Variants in FOCAD observed in about 807,000 individuals in gnomAD.
FOCAD encodes the protein KIAA1797.
In FOCAD, 198 loss-of-function variants were observed where a neutral mutation model predicts 225.6. The observed-to-expected ratio is 0.88, with a 90% CI of 0.78 to 0.99. The LOEUF (loss-of-function observed/expected upper bound fraction) is 0.99. Among genes scored for constraint, FOCAD ranks in the 50% least tolerant of loss-of-function variants. The pLI is 0.00. For synonymous variants in FOCAD, 897 were observed against 755.0 expected (o/e 1.19, Z -3.08); for missense variants, 2,713 against 2,123.6 (o/e 1.28, Z -5.46).
At chr9:20,926,229 A>G in intron 25 of FOCAD, 72 bp from the exon 26 acceptor site, 1 of 930,020 alleles carries the variant, frequency 1.1e-6, no homozygotes, top group Admixed American at 1.9e-5. Context: ...GAAGGGAGTT[A>G]CACCTTAGAT....
chr9:20,927,152 A>G (rs1218858633), intron 26 of FOCAD, among the ~76,000 whole-genome samples: 2 of 152,078 alleles, frequency 1.3e-5, no homozygotes, highest in Non-Finnish European at 1.5e-5. Flanking sequence ...CAGGGTCAAG[A>G]GCTACAGTTG....
chr9:20,854,372 A>G (rs531836848), intron 15 of FOCAD, among the ~76,000 whole-genome samples: 2 of 151,898 alleles, frequency 1.3e-5, no homozygotes, highest in African/African-American at 4.8e-5. Flanking sequence ...AGTTGTCTCC[A>G]TATGGGCTTT....
At chr9:20,813,958 C>T (rs1308326305) in intron 11 of FOCAD, among the ~76,000 whole-genome samples, 1 of 152,064 alleles carries the variant, frequency 6.6e-6, no homozygotes, top group Non-Finnish European at 1.5e-5. Flanking sequence ...TGAATTGACC[C>T]ATTTATCATT....
intron 14 of FOCAD, 51 bp from the exon 15 acceptor site, chr9:20,822,938 G>C (rs778883627): frequency 1.5e-5 from 23 of 1,516,952 alleles, no homozygotes; most frequent in Non-Finnish European, 1.9e-5. Context: ...ATCTGGGAGT[G>C]ATAACTGCAC....
intron 10 of FOCAD, among the ~76,000 whole-genome samples, chr9:20,782,247 T>A (rs185645681): frequency 6.6e-6 from 1 of 152,242 alleles, no homozygotes; most frequent in African/African-American, 2.4e-5. Flanking sequence ...GGAATCATTT[T>A]TTAAAATTAT....
At chr9:20,909,103 G>T (rs906456791) in intron 22 of FOCAD, among the ~76,000 whole-genome samples, 3 of 151,946 alleles carry the variant, frequency 2.0e-5, no homozygotes, top group African/African-American at 7.3e-5. Context: ...ATTGAATAGG[G>T]TTATAGTATA....
intron 2 of FOCAD, among the ~76,000 whole-genome samples, chr9:20,660,485 A>G (rs1386875112): frequency 6.6e-6 from 1 of 152,204 alleles, no homozygotes; most frequent in African/African-American, 2.4e-5. Flanking sequence ...AATTATGGAA[A>G]AATATTCAGA....
chr9:20,762,424 T>C (rs1412359912), intron 6 of FOCAD, among the ~76,000 whole-genome samples: 1 of 152,252 alleles, frequency 6.6e-6, no homozygotes, highest in East Asian at 1.9e-4. Context: ...CTGTGAGCTC[T>C]ATGAGAGCAG....
intron 4 of FOCAD, among the ~76,000 whole-genome samples, chr9:20,736,596 G>A (rs2383149): frequency 0.64 from 97,373 of 151,826 alleles, 31,613 homozygotes; most frequent in Non-Finnish European, 0.69. Context: ...AGGCCTCAGC[G>A]TTCATTAACT....
rs141767624 is a variant in FOCAD, at chr9:20,809,310, C to G, written c.1456-10486C>G. On this transcript the variant is annotated intron_variant, in intron 11 of 43. Transcript: ENST00000338382. Reference sequence around the variant, plus strand: ...TCATGTGAATGATCTATAATTTGTGCAGTTTTATGTGGTAACCACTAGTCA... The same window carrying G: ...TCATGTGAATGATCTATAATTTGTGGAGTTTTATGTGGTAACCACTAGTCA... 1.2e-4 allele frequency among the ~76,000 whole-genome samples: 19 copies of G among 152,264 alleles called. No individual in the cohort carries two copies. The East Asian group carries it at 3.7e-3, about 29-fold the overall frequency.
intron 25 of FOCAD, among the ~76,000 whole-genome samples, chr9:20,925,349 A>G (rs1265519147): frequency 3.3e-5 from 5 of 152,118 alleles, no homozygotes; most frequent in African/African-American, 4.8e-5. Context: ...ATTTTCCCCA[A>G]TAATAAAGGG....
At chr9:20,870,687 CTA>C (rs1481580738) in intron 18 of FOCAD, among the ~76,000 whole-genome samples, 1 of 152,166 alleles carries the variant, frequency 6.6e-6, no homozygotes, top group Admixed American at 6.5e-5. Flanking sequence ...AACTGATATT[CTA>C]TAGTGTTCTG....
chr9:20,718,931 A>G (rs935157060), intron 3 of FOCAD, among the ~76,000 whole-genome samples: 2 of 152,212 alleles, frequency 1.3e-5, no homozygotes, highest in African/African-American at 4.8e-5. Flanking sequence ...GCTGAACACA[A>G]TGTCCTTATG....
chr9:20,707,475 A>G (rs930742560), intron 1 of FOCAD, among the ~76,000 whole-genome samples: 10 of 152,006 alleles, frequency 6.6e-5, no homozygotes, highest in African/African-American at 9.7e-5. Context: ...GTAACTTTTT[A>G]CTCCCCAAGA....
intron 26 of FOCAD, among the ~76,000 whole-genome samples, chr9:20,928,490 C>T (rs1167257690): frequency 6.6e-6 from 1 of 152,116 alleles, no homozygotes; most frequent in South Asian, 2.1e-4. Context: ...GTGTCTGAAA[C>T]TTTAAATTGG....
At chr9:20,754,158 A>G (rs543306598) in intron 5 of FOCAD, among the ~76,000 whole-genome samples, 2 of 152,282 alleles carry the variant, frequency 1.3e-5, no homozygotes, top group Non-Finnish European at 2.9e-5. Flanking sequence ...TGGAAAGGCT[A>G]ACAAGCAGTG....
chr9:20,774,934 G>A (rs916086256), intron 8 of FOCAD, among the ~76,000 whole-genome samples: 1 of 152,082 alleles, frequency 6.6e-6, no homozygotes, highest in Non-Finnish European at 1.5e-5. Context: ...GGTTAAAAAA[G>A]TAAGCCTAGG....
rs1587140886 is a variant in FOCAD at position 20,782,070 on chromosome 9, A to G, written c.1197+141A>G. On this transcript the variant is annotated intron_variant, in intron 10 of 43. Transcript: ENST00000338382. The stretch of plus-strand genomic sequence containing the variant: ...TCAGGTAGTGCTGTTGGAGATCTCA[A>G]CATATTCTTCTGGACTATAAGAAGG... The G allele has an allele frequency of 5.7e-6, 4 of 695,700 alleles. No homozygotes were observed. The East Asian group carries it at 1.1e-4, about 19-fold the overall frequency. The allele number at this position is 695,700 out of a possible 1,614,324, so 43.1% of individuals were successfully genotyped here.
chr9:20,683,049 GC>G (rs761901027), upstream of FOCAD, among the ~76,000 whole-genome samples: 3 of 152,042 alleles, frequency 2.0e-5, no homozygotes, highest in South Asian at 2.1e-4. Flanking sequence ...ACAGGTGTGA[GC>G]CCCCCCACCT....
Sources: gnomAD v4.1 joint callset for allele counts (sites outside exome capture counted in the v4.1 genomes callset) on GRCh38, gnomAD v4.1.1 for gene constraint, MANE v1.5 for transcripts, NCBI Gene and HGNC (gene_info 2026-07-23, HGNC 2026-07-21) for gene names.